Variants in ZNF568 observed in about 807,000 individuals in gnomAD.
ZNF568 encodes the protein zinc finger protein 568, also known as p53 inhibitor of SCO2 activation.
A neutral mutation model predicts 18.1 loss-of-function variants in ZNF568; 11 were observed. That is an observed-to-expected ratio of 0.61 (90% confidence interval 0.38 to 1.00). The LOEUF (loss-of-function observed/expected upper bound fraction) is 1.00, where lower values mean the gene tolerates loss of function less well. Ranked by LOEUF, ZNF568 falls within the 50% of genes least tolerant of loss-of-function variation. The probability of loss-of-function intolerance (pLI) is 0.01; values close to 1 mark genes in which losing one functional copy is unlikely to be tolerated. For synonymous variants in ZNF568, 213 were observed against 246.6 expected (o/e 0.86, Z 1.28); for missense variants, 639 against 768.2 (o/e 0.83, Z 1.99).
chr19:36,927,882 ATATATTATATATATATATATATTTTTTTT>A (rs2073593292), intron 4 of ZNF568, among the ~76,000 whole-genome samples: 2 of 52,978 alleles, frequency 3.8e-5, no homozygotes, highest in African/African-American at 1.1e-4. Flanking sequence ...ATATATATAT[ATATATTATATATATATATATATTTTTTTT>A]TTTTTTTTTT....
At chr19:36,976,638 C>T (rs10401417) in intron 7 of ZNF568, among the ~76,000 whole-genome samples, 25,672 of 152,094 alleles carry the variant, frequency 0.17, 2,156 homozygotes, top group South Asian at 0.2. Flanking sequence ...TGGCCGGGTG[C>T]GGTGGCTCAT....
At chr19:36,945,974 A>C (rs1167793567) in intron 6 of ZNF568, among the ~76,000 whole-genome samples, 1 of 151,980 alleles carries the variant, frequency 6.6e-6, no homozygotes, top group African/African-American at 2.4e-5. Flanking sequence ...GTGCGCCTGT[A>C]GTTCCAGCTA....
rs373221102 is a variant in ZNF568 at position 36,972,745 on chromosome 19, AC to A, written c.359-1672del. Among the ~76,000 whole-genome samples the A allele has an allele frequency of 4.0e-4, 61 of 152,282 alleles. 1 individual carries two copies. The South Asian group carries it at 0.013, about 32-fold the overall frequency. On this transcript the variant is annotated intron_variant, in intron 6 of 7. Transcript: ENST00000427117. ...CAGAGCGCGGCTCCCTGTGGAGGGT[AC>A]CCTGGGTGGTCCGCTCCCTGGCTTT... is the stretch of plus-strand genomic sequence containing the variant.
Position 36,922,604 on chromosome 19 carries a change from TA to T in ZNF568, c.-163del. Reference sequence around the variant, plus strand: ...TCCACAGGTCCTGGTTCCACAAGGATAAAACACATCTGCAGTGCAAATAGAA... The same window carrying T: ...TCCACAGGTCCTGGTTCCACAAGGATAAACACATCTGCAGTGCAAATAGAA... On this transcript the variant is annotated 5_prime_UTR_variant, in exon 3 of 7. Coordinates refer to ENST00000333987, the MANE Select transcript of ZNF568 (RefSeq NM_198539.4). 1 of 494,504 alleles carries T rather than the reference TA, an allele frequency of 2.0e-6. No individual in the cohort carries two copies. 30.6% of individuals were successfully genotyped at this position (494,504 alleles called of 1,614,324 possible).
intron 2 of ZNF568, among the ~76,000 whole-genome samples, chr19:36,920,198 A>G (rs763100008): frequency 3.4e-5 from 4 of 116,306 alleles, no homozygotes; most frequent in Non-Finnish European, 5.3e-5. Context: ...TTTTAACAAG[A>G]AAGTTTAAAA....
chr19:36,927,883 TATATTATATATATATATATA>T (rs1568381386), intron 4 of ZNF568, among the ~76,000 whole-genome samples: 3 of 54,940 alleles, frequency 5.5e-5, no homozygotes, highest in African/African-American at 2.3e-4. Flanking sequence ...TATATATATA[TATATTATATATATATATATA>T]TTTTTTTTTT....
At chr19:36,965,440 A>C (rs567034833) in intron 6 of ZNF568, among the ~76,000 whole-genome samples, 1 of 152,318 alleles carries the variant, frequency 6.6e-6, no homozygotes, top group Admixed American at 6.5e-5. Context: ...TTTTGTCAAC[A>C]GCAGAGACCA....
chr19:36,993,407 T>G, intron 4 of ZNF568, among the ~76,000 whole-genome samples: 1 of 152,204 alleles, frequency 6.6e-6, no homozygotes, highest in Admixed American at 6.5e-5. Flanking sequence ...CTGGTTGGTA[T>G]CAGGGTAATA....
At chr19:36,995,051 G>C (rs2074458179) in intron 4 of ZNF568, among the ~76,000 whole-genome samples, 1 of 151,488 alleles carries the variant, frequency 6.6e-6, no homozygotes, top group South Asian at 2.1e-4. Flanking sequence ...CTCTTTGCAT[G>C]GTATATCTTT....
rs2073344190 is a variant in ZNF568 at position 36,916,846 on chromosome 19, C to T, written c.-256+255C>T. Among the ~76,000 whole-genome samples the T allele has an allele frequency of 6.6e-6, 1 of 152,122 alleles. No homozygotes were observed. The highest frequency in any genetic ancestry group is 2.4e-5 in the African/African-American group (1 of 41,426). ...GAGCTGGCTTTTCTGTAGCATTTGG[C>T]ACAGTTGGTAACGGCTTGAAAAACA... On this transcript the variant is annotated intron_variant, in intron 1 of 6. Transcript: ENST00000333987. This position sits in a 1 kb window ranked among gnomAD's most constrained non-coding sequence, Gnocchi z 5.3.
At chr19:36,978,893 C>T in intron 7 of ZNF568, 3 of 273,822 alleles carry the variant, frequency 1.1e-5, no homozygotes, top group South Asian at 9.0e-5. Flanking sequence ...TCAAGAACAG[C>T]ATCTATGAAA....
At position 36,916,797 on chromosome 19, in the gene ZNF568, A is replaced by G. The variant is rs943628150; in HGVS notation, c.-256+206A>G. ...AACGTGGCGAAGTGTGCGTGATTGT[A>G]ATATGTCTAGTAGTTCTTGTCTTGA... On this transcript the variant is annotated intron_variant, in intron 1 of 6. Coordinates refer to ENST00000333987, the MANE Select transcript of ZNF568 (RefSeq NM_198539.4). The surrounding 1 kb of genome is among the most constrained non-coding windows in gnomAD (Gnocchi z 5.3). Among the ~76,000 whole-genome samples, 2 of 152,070 alleles carry G rather than the reference A, an allele frequency of 1.3e-5. No homozygotes were observed. Among genetic ancestry groups the G allele is most frequent in the Non-Finnish European group, 2.9e-5 (2 of 68,002 alleles).
At chr19:36,934,286 A>T (rs1600789821) in intron 4 of ZNF568, among the ~76,000 whole-genome samples, 1 of 140,484 alleles carries the variant, frequency 7.1e-6, no homozygotes, top group Non-Finnish European at 1.6e-5. Context: ...ATTTAGTTTG[A>T]TCATCTTCTT....
In ZNF568 at chr19:36,937,147, G is replaced by T; in HGVS notation, c.263G>T (p.Gly88Val). 2.5e-6 allele frequency: 4 copies of T among 1,613,396 alleles called. No homozygotes were observed. The highest frequency in any genetic ancestry group is 3.4e-6 in the Non-Finnish European group (4 of 1,179,578). ...LENYSNLVTV[G>V]CQVTKPDVIF... ...CATCCTTTGCTATTTCTTGTAATAG[G>T]CTGTCAAGTCACCAAACCGGATGTG... The change falls in exon 6 of 7, where the codon GGC becomes GTC. Residue 88 changes from glycine to valine, a missense_variant and splice_region_variant. Transcript: ENST00000333987.
intron 6 of ZNF568, among the ~76,000 whole-genome samples, chr19:36,960,987 A>G (rs1054843991): frequency 6.6e-6 from 1 of 152,146 alleles, no homozygotes; most frequent in Non-Finnish European, 1.5e-5. Flanking sequence ...AAAATAATGT[A>G]TAGTCTGCAT....
chr19:36,974,517 A>G (rs1469377991), intron 7 of ZNF568: 41 of 1,482,662 alleles, frequency 2.8e-5, no homozygotes, highest in African/African-American at 4.2e-5. Context: ...TTTTCAGGAC[A>G]GTGTCCTATT....
intron 7 of ZNF568, among the ~76,000 whole-genome samples, chr19:36,974,772 T>C (rs1296728905): frequency 9.2e-5 from 14 of 152,120 alleles, no homozygotes; most frequent in Admixed American, 9.2e-4. Context: ...TCAGTCTCAC[T>C]GATTTCTGCA....
At chr19:36,997,509 C>CA, downstream of ZNF568, 1 of 1,588,052 alleles carries the variant, frequency 6.3e-7, no homozygotes, top group South Asian at 1.1e-5. Context: ...GGTCAGAACT[C>CA]ACACATCATG....
At position 36,930,285 on chromosome 19, in the gene ZNF568, C is replaced by T. The variant is rs1272339239; in HGVS notation, c.135+5027C>T. ...AGTGCAATGGCACAATCTTGGCTGA[C>T]TGCAAGCTCCGCCTCCCAGGTTCAC... On this transcript the variant is annotated intron_variant, in intron 4 of 6. Coordinates refer to ENST00000333987, the MANE Select transcript of ZNF568 (RefSeq NM_198539.4). Among the ~76,000 whole-genome samples, 5 of 150,574 alleles carry T rather than the reference C, an allele frequency of 3.3e-5. No homozygotes were observed. In the East Asian group the frequency reaches 9.8e-4, roughly 29 times the overall value.
Sources: gnomAD v4.1 joint callset for allele counts (sites outside exome capture counted in the v4.1 genomes callset) on GRCh38, gnomAD v4.1.1 for gene constraint, Gnocchi (gnomAD v3.1) non-coding constraint, MANE v1.5 for transcripts, NCBI Gene and HGNC (gene_info 2026-07-23, HGNC 2026-07-21) for gene names.